Variants in BCLAF3 observed in about 807,000 individuals in gnomAD.
BCLAF3 encodes the protein BCLAF1 and THRAP3 family member 3, also known as transient octamer binding factor 1.
In BCLAF3, 24 loss-of-function variants were observed where a neutral mutation model predicts 51.2. The observed-to-expected ratio is 0.47, with a 90% CI of 0.34 to 0.66. The LOEUF is 0.66. Among genes scored for constraint, BCLAF3 ranks in the 30% least tolerant of loss-of-function variants. The pLI, the probability that BCLAF3 is intolerant of heterozygous loss-of-function variation, is 0.01. For synonymous variants in BCLAF3, 152 were observed against 176.6 expected (o/e 0.86, Z 1.10); for missense variants, 465 against 525.1 (o/e 0.89, Z 1.12).
chrX:19,926,808 G>T (rs1423294135), intron 11 of BCLAF3, among the ~76,000 whole-genome samples: 1 of 111,654 alleles, frequency 9.0e-6, no homozygotes, highest in East Asian at 2.8e-4. Flanking sequence ...TATCTGAAAG[G>T]TCTGCTGCAA....
chrX:19,950,728 AG>A (rs2071450087), intron 8 of BCLAF3, 24 bp downstream of exon 8: 1 of 1,056,144 alleles, frequency 9.5e-7, no homozygotes, highest in Admixed American at 2.4e-5. Context: ...CCCTGATAAC[AG>A]GATGTTTGTC....
chrX:19,952,896 T>G (rs890755157), intron 7 of BCLAF3, 92 bp downstream of exon 7: 1 of 673,640 alleles, frequency 1.5e-6, no homozygotes, highest in African/African-American at 2.2e-5. Context: ...CTTCATGTAC[T>G]TTAACTCCCT....
intron 9 of BCLAF3, among the ~76,000 whole-genome samples, chrX:19,936,540 G>A (rs188585701): frequency 1.1e-4 from 12 of 111,808 alleles, no homozygotes; most frequent in Admixed American, 1.0e-3. Context: ...GCCAGAGGGA[G>A]GACTGTACTA....
intron 1 of BCLAF3, among the ~76,000 whole-genome samples, chrX:19,984,697 T>A (rs1175711456): frequency 9.0e-6 from 1 of 111,310 alleles, no homozygotes; most frequent in Non-Finnish European, 1.9e-5. Flanking sequence ...TACTTTTTTT[T>A]TTTTTGAGAC....
At chrX:19,949,436 A>G (rs2071407336) in intron 8 of BCLAF3, among the ~76,000 whole-genome samples, 1 of 112,227 alleles carries the variant, frequency 8.9e-6, no homozygotes, top group African/African-American at 3.2e-5. Context: ...TCTTTAAAAT[A>G]TGCTGATTGT....
At position 19,950,865 on chromosome X, in the gene BCLAF3, G is replaced by C; in HGVS notation, c.1633C>G (p.Leu545Val). 2.6e-6 allele frequency: 3 copies of C among 1,175,502 alleles called. No individual in the cohort carries two copies. Among genetic ancestry groups the C allele is most frequent in the Non-Finnish European group, 3.5e-6 (3 of 863,943 alleles). The change falls in exon 8 of 12, where the codon CTG becomes GTG. Residue 545 changes from leucine to valine, a missense_variant. Transcript: ENST00000379682. ...TCATTTGGATCTATTATTTTGATCAGAGTCTGAGGAATTTTGACAGAAGAC... is the reference window on the plus strand; with the variant it reads ...TCATTTGGATCTATTATTTTGATCACAGTCTGAGGAATTTTGACAGAAGAC... ...QAVIYESEQTLIKIIDPNDLR... is the reference protein window; with the variant it reads ...QAVIYESEQTVIKIIDPNDLR...
At chrX:19,934,502 A>C (rs1451478309) in intron 10 of BCLAF3, among the ~76,000 whole-genome samples, 1 of 112,475 alleles carries the variant, frequency 8.9e-6, no homozygotes, top group African/African-American at 3.2e-5. Context: ...TTCGTGTCAC[A>C]CATGTAATTT....
intron 9 of BCLAF3, among the ~76,000 whole-genome samples, chrX:19,937,022 G>T (rs1475798547): frequency 9.0e-6 from 1 of 111,373 alleles, no homozygotes; most frequent in Non-Finnish European, 1.9e-5. Flanking sequence ...AATCTTTTTT[G>T]AATTTTTTTC....
intron 10 of BCLAF3, chrX:19,930,315 GAC>G (rs947519181): frequency 8.4e-6 from 1 of 119,226 alleles, no homozygotes; most frequent in African/African-American, 3.3e-5. Flanking sequence ...CAGCCTGGGT[GAC>G]AGAGTGAGAC....
chrX:19,967,584 T>C (rs2072103026), intron 2 of BCLAF3, among the ~76,000 whole-genome samples: 1 of 111,176 alleles, frequency 9.0e-6, no homozygotes. Flanking sequence ...TAAAGAGAGG[T>C]GTGCCACTAT....
chrX:19,930,601 G>A (rs1014810055), intron 10 of BCLAF3: 4 of 236,238 alleles, frequency 1.7e-5, no homozygotes, highest in African/African-American at 1.2e-4. Flanking sequence ...GGTAGAGGCT[G>A]CAGTAAGCTG....
chrX:19,930,168 AG>A (rs1170230014), intron 10 of BCLAF3: 1 of 241,822 alleles, frequency 4.1e-6, no homozygotes, highest in African/African-American at 2.9e-5. Context: ...AAAATTAGCC[AG>A]GCGTGGTGGC....
At chrX:19,959,251 A>G (rs1569506624) in intron 4 of BCLAF3, among the ~76,000 whole-genome samples, 1 of 111,480 alleles carries the variant, frequency 9.0e-6, no homozygotes, top group Admixed American at 9.5e-5. Context: ...CCTCTCTTCA[A>G]TCTCCCAGCT....
intron 1 of BCLAF3, among the ~76,000 whole-genome samples, chrX:19,982,659 G>A (rs1215259481): frequency 1.8e-5 from 2 of 109,082 alleles, no homozygotes; most frequent in African/African-American, 6.7e-5. Flanking sequence ...AAGTACAAAG[G>A]TAAACGATTA....
At chrX:19,937,912 T>G (rs1210896817) in intron 8 of BCLAF3, among the ~76,000 whole-genome samples, 1 of 111,900 alleles carries the variant, frequency 8.9e-6, no homozygotes, top group Non-Finnish European at 1.9e-5. Flanking sequence ...CCCTTCTTGC[T>G]GACAGCTCTT....
intron 10 of BCLAF3, among the ~76,000 whole-genome samples, chrX:19,934,451 A>C (rs1313610929): frequency 8.9e-6 from 1 of 112,240 alleles, no homozygotes; most frequent in African/African-American, 3.2e-5. Context: ...AGATGGTATA[A>C]AACATGTATA....
chrX:19,947,345 C>T (rs781697822), intron 8 of BCLAF3, among the ~76,000 whole-genome samples: 2 of 112,274 alleles, frequency 1.8e-5, no homozygotes, highest in African/African-American at 6.5e-5. Context: ...AAACACACTC[C>T]ATACCTCTAT....
At chrX:19,928,448 T>C (rs192620256) in intron 11 of BCLAF3, among the ~76,000 whole-genome samples, 2,778 of 109,182 alleles carry the variant, frequency 0.025, 83 homozygotes, top group African/African-American at 0.087. Context: ...CCAGGCGTAG[T>C]GGCAGGCGCC....
chrX:19,928,760 CTGTCATTT>C (rs2070445380), intron 11 of BCLAF3, among the ~76,000 whole-genome samples: 1 of 111,305 alleles, frequency 9.0e-6, no homozygotes, highest in African/African-American at 3.3e-5. Context: ...GAAGGAAATC[CTGTCATTT>C]ATGACAACAT....
Sources: gnomAD v4.1 joint callset for allele counts (sites outside exome capture counted in the v4.1 genomes callset) on GRCh38, gnomAD v4.1.1 for gene constraint, MANE v1.5 for transcripts, NCBI Gene and HGNC (gene_info 2026-07-23, HGNC 2026-07-21) for gene names.